Variants in SORBS2 observed in about 807,000 individuals in gnomAD.
SORBS2 encodes the protein sorbin and SH3 domain-containing protein 2.
In SORBS2, 46 loss-of-function variants were observed where a neutral mutation model predicts 97.7. The observed-to-expected ratio is 0.47, with a 90% CI of 0.37 to 0.60. The LOEUF is 0.60. SORBS2 is among the 20% of genes least tolerant of loss of function. The pLI is 0.00. For synonymous variants in SORBS2, 476 were observed against 473.4 expected, an observed-to-expected ratio of 1.01 and a Z score of -0.07; for missense variants, 1,316 against 1,282.3, an observed-to-expected ratio of 1.03 and a Z score of -0.40.
chr4:185,760,924 A>G (rs2098882762), intron 2 of SORBS2, among the ~76,000 whole-genome samples: 1 of 152,230 alleles, frequency 6.6e-6, no homozygotes, highest in Admixed American at 6.5e-5. Flanking sequence ...AGCAGAAAAC[A>G]TTTCATTTTA....
At chr4:185,610,725 T>C (rs1436405792) in intron 12 of SORBS2, among the ~76,000 whole-genome samples, 1 of 152,176 alleles carries the variant, frequency 6.6e-6, no homozygotes, top group Non-Finnish European at 1.5e-5. Flanking sequence ...CTTCACACTT[T>C]AGTAACATCT....
intron 1 of SORBS2, among the ~76,000 whole-genome samples, chr4:185,831,380 T>C (rs2099205053): frequency 6.6e-6 from 1 of 152,254 alleles, no homozygotes; most frequent in Non-Finnish European, 1.5e-5. Flanking sequence ...TTCTTAGCCT[T>C]GACTTTGGAA....
chr4:185,731,832 T>TTC (rs1201714307), intron 2 of SORBS2, among the ~76,000 whole-genome samples: 85 of 33,268 alleles, frequency 2.6e-3, no homozygotes, highest in Middle Eastern at 0.018. Context: ...GTCTCTCTCT[T>TTC]TCTCTCTCTC....
At chr4:185,829,876 A>G (rs1265684229) in intron 1 of SORBS2, among the ~76,000 whole-genome samples, 1 of 152,196 alleles carries the variant, frequency 6.6e-6, no homozygotes, top group Non-Finnish European at 1.5e-5. Context: ...CCAAAAATGC[A>G]TGGCTCAAAA....
intron 2 of SORBS2, among the ~76,000 whole-genome samples, chr4:185,681,628 T>A (rs1168206488): frequency 6.6e-6 from 1 of 152,192 alleles, no homozygotes; most frequent in Non-Finnish European, 1.5e-5. Flanking sequence ...TCCTGGCTGT[T>A]TTGCATGTGA....
chr4:185,697,241 T>C (rs2098188812), intron 2 of SORBS2, among the ~76,000 whole-genome samples: 1 of 152,222 alleles, frequency 6.6e-6, no homozygotes, highest in African/African-American at 2.4e-5. Flanking sequence ...TTACCTTTGA[T>C]TGAGTCTTAA....
At chr4:185,596,530 CTTTTTTTTTT>C (rs58831094) in intron 12 of SORBS2, among the ~76,000 whole-genome samples, 3 of 77,432 alleles carry the variant, frequency 3.9e-5, no homozygotes, top group Non-Finnish European at 7.0e-5. Context: ...ACCGTCCTTG[CTTTTTTTTTT>C]TTTTTTTTTT....
exon 4 of SORBS2, chr4:185,646,669 G>A: frequency 1.3e-6 from 2 of 1,590,254 alleles, no homozygotes; most frequent in Non-Finnish European, 1.7e-6. Context: ...AGTGCTTACT[G>A]GTCTTTCATG....
At chr4:185,733,805 C>G (rs1280914668) in intron 2 of SORBS2, among the ~76,000 whole-genome samples, 1 of 152,150 alleles carries the variant, frequency 6.6e-6, no homozygotes, top group Non-Finnish European at 1.5e-5. Flanking sequence ...CTCTTGATAT[C>G]CTTGCTTTCT....
chr4:185,678,584 C>G (rs767172086), intron 3 of SORBS2, 37 bp from the exon 7 acceptor site: 5 of 1,480,346 alleles, frequency 3.4e-6, no homozygotes, highest in Non-Finnish European at 4.5e-6. Flanking sequence ...ACAAAAATAT[C>G]TACGTTCACT....
intron 1 of SORBS2, among the ~76,000 whole-genome samples, chr4:185,889,021 C>T (rs529753921): frequency 5.9e-5 from 9 of 152,322 alleles, no homozygotes; most frequent in Non-Finnish European, 7.4e-5. Flanking sequence ...CCTTGTGAGG[C>T]GATCGGGGCT....
At chr4:185,638,567 G>T (rs902943993) in intron 4 of SORBS2, among the ~76,000 whole-genome samples, 1 of 152,062 alleles carries the variant, frequency 6.6e-6, no homozygotes, top group African/African-American at 2.4e-5. Flanking sequence ...TCACTTCATC[G>T]TCCCTGCCCT....
At chr4:185,614,720 A>C (rs2096601873) in intron 11 of SORBS2, 111 bp downstream of exon 23, 1 of 1,327,202 alleles carries the variant, frequency 7.5e-7, no homozygotes, top group Non-Finnish European at 1.0e-6. Context: ...TAAACATAAA[A>C]ATGTCTAAAG....
chr4:185,768,706 AAAAAAC>A (rs2098951181), intron 2 of SORBS2, among the ~76,000 whole-genome samples: 1 of 103,844 alleles, frequency 9.6e-6, no homozygotes, highest in Non-Finnish European at 2.0e-5. Flanking sequence ...CTCAAAAAAA[AAAAAAC>A]AAAAAAACAA....
chr4:185,653,034 T>G (rs1028598856), intron 1 of SORBS2, among the ~76,000 whole-genome samples: 3 of 152,246 alleles, frequency 2.0e-5, no homozygotes, highest in African/African-American at 4.8e-5. Flanking sequence ...TATATAAAGT[T>G]CACTTAATGT....
At chr4:185,732,717 C>T (rs181383818) in intron 2 of SORBS2, among the ~76,000 whole-genome samples, 6 of 152,330 alleles carry the variant, frequency 3.9e-5, no homozygotes, top group Admixed American at 6.5e-5. Context: ...GTAGCTATTG[C>T]GGGCAAGTGG....
At chr4:185,693,246 T>G (rs909216684) in intron 2 of SORBS2, among the ~76,000 whole-genome samples, 10 of 152,226 alleles carry the variant, frequency 6.6e-5, no homozygotes, top group African/African-American at 1.9e-4. Context: ...TGTTTTACTT[T>G]TTTGTTTTGT....
chr4:185,622,919 A>G, exon 7 of SORBS2: 2 of 1,603,832 alleles, frequency 1.2e-6, no homozygotes, highest in East Asian at 2.2e-5. Flanking sequence ...TCCACCTTGG[A>G]GTGCACCGCC....
Position 185,920,640 on chromosome 4 carries a change from T to C in SORBS2, c.-338+35556A>G, listed in dbSNP as rs554208921. On this transcript the variant is annotated intron_variant, in intron 1 of 20. Coordinates refer to the SORBS2 transcript ENST00000284776. ...TAATTTAAATCTTGCATGTTTTTAC[T>C]TTTAAAAAAATTTGGCAACTCTAAA... Among the ~76,000 whole-genome samples, 89 of 152,330 alleles carry C rather than the reference T, an allele frequency of 5.8e-4. 2 individuals carry two copies. The South Asian group carries it at 0.018, about 31-fold the overall frequency.
Sources: allele counts gnomAD v4.1 joint callset (sites outside exome capture counted in the v4.1 genomes callset), GRCh38; gene constraint gnomAD v4.1.1; transcripts MANE v1.5; gene names NCBI Gene and HGNC (gene_info 2026-07-23, HGNC 2026-07-21).